SGK3: variants seen among roughly 807,000 people sequenced by gnomAD.
SGK3 encodes serum/glucocorticoid regulated kinase family member 3.
Under a neutral mutation model 68.5 loss-of-function variants are expected in SGK3, and 47 were observed. The observed-to-expected ratio is 0.69, with a 90% confidence interval of 0.54 to 0.87. SGK3 has a LOEUF of 0.87. Among genes scored for constraint, SGK3 ranks in the 40% least tolerant of loss-of-function variants. SGK3 has a pLI of 0.00. For synonymous variants in SGK3, 181 were observed against 189.1 expected, an observed-to-expected ratio of 0.96 and a Z score of 0.35; for missense variants, 479 against 575.5, an observed-to-expected ratio of 0.83 and a Z score of 1.72.
At chr8:66,714,003 T>C (rs527239622) in intron 1 of SGK3, among the ~76,000 whole-genome samples, 3 of 152,334 alleles carry the variant, frequency 2.0e-5, no homozygotes, top group Non-Finnish European at 2.9e-5. Context: ...ATGACTTGTG[T>C]AACATGGTCT....
chr8:66,778,322 C>T (rs1468220978), intron 1 of SGK3, among the ~76,000 whole-genome samples: 1 of 152,182 alleles, frequency 6.6e-6, no homozygotes, highest in Non-Finnish European at 1.5e-5. Context: ...GTTATGGAGT[C>T]TCGCTTTGTT....
intron 1 of SGK3, among the ~76,000 whole-genome samples, chr8:66,791,566 C>T (rs550836499): frequency 6.6e-6 from 1 of 152,146 alleles, no homozygotes; most frequent in Non-Finnish European, 1.5e-5. Context: ...TTCCTGATGC[C>T]ATTTAATGTG....
intron 4 of SGK3, among the ~76,000 whole-genome samples, chr8:66,812,996 G>C (rs984279490): frequency 6.6e-6 from 1 of 152,224 alleles, no homozygotes; most frequent in Non-Finnish European, 1.5e-5. Context: ...GCTCATGCCT[G>C]TAATCCCAGC....
chr8:66,843,628 C>A, intron 14 of SGK3, 81 bp downstream of exon 14: 3 of 1,393,332 alleles, frequency 2.2e-6, no homozygotes, highest in South Asian at 1.2e-5. Flanking sequence ...TTAAGAATCT[C>A]ATGGACACTT....
chr8:66,770,098 C>T (rs531786671), intron 1 of SGK3, among the ~76,000 whole-genome samples: 11 of 152,084 alleles, frequency 7.2e-5, no homozygotes, highest in Admixed American at 1.3e-4. Context: ...GGACTACAGG[C>T]GTGCGCCACC....
chr8:66,799,973 A>T (rs947472517), intron 3 of SGK3, among the ~76,000 whole-genome samples: 1 of 152,042 alleles, frequency 6.6e-6, no homozygotes, highest in African/African-American at 2.4e-5. Flanking sequence ...GTAAATAGGG[A>T]TCTCCCAGTG....
At chr8:66,753,769 A>T (rs1166198053) in intron 1 of SGK3, among the ~76,000 whole-genome samples, 2 of 152,216 alleles carry the variant, frequency 1.3e-5, no homozygotes, top group East Asian at 3.8e-4. Flanking sequence ...CAGTGAGCCA[A>T]GATCGTGCCA....
intron 16 of SGK3, among the ~76,000 whole-genome samples, chr8:66,854,315 A>G (rs993284089): frequency 6.6e-6 from 1 of 152,224 alleles, no homozygotes; most frequent in African/African-American, 2.4e-5. Context: ...TTGGTGGGAG[A>G]GGGCTCACCA....
Position 66,828,663 on chromosome 8 carries a change from A to C in SGK3, c.427A>C (p.Thr143Pro). ...TTCCCCACCTTCACAGCTACACTCT[A>C]CCTCACAGAACATCAACCTGGGACC... ...DERSSQKLHSTSQNINLGPSG... is the reference protein window; with the variant it reads ...DERSSQKLHSPSQNINLGPSG... Residue 143 changes from threonine (T) to proline (P), a missense_variant, in exon 7 of 17, where the codon ACC (threonine) becomes CCC (proline). This residue lies in a region of SGK3 where 298 missense variants were observed against 329.4 expected (regional missense o/e 0.90). Transcript: ENST00000521198. The C allele has an allele frequency of 6.2e-7, 1 of 1,613,974 alleles. No homozygotes were observed. Among genetic ancestry groups the C allele is most frequent in the Non-Finnish European group, 8.5e-7 (1 of 1,179,994 alleles).
chr8:66,745,641 A>T (rs1382892041), intron 1 of SGK3, among the ~76,000 whole-genome samples: 1 of 152,146 alleles, frequency 6.6e-6, no homozygotes, highest in Admixed American at 6.6e-5. Flanking sequence ...TCTGGGTGGG[A>T]CTTTGTCTTA....
intron 1 of SGK3, among the ~76,000 whole-genome samples, chr8:66,769,185 G>A (rs1806421230): frequency 6.6e-6 from 1 of 151,984 alleles, no homozygotes. Flanking sequence ...AAGTATATTA[G>A]GCTGCTTAAA....
intron 1 of SGK3, among the ~76,000 whole-genome samples, chr8:66,744,495 A>G (rs1271654638): frequency 0.021 from 382 of 18,052 alleles, 4 homozygotes; most frequent in African/African-American, 0.054. Context: ...ATATATATAT[A>G]TATATATATA....
At chr8:66,826,282 T>C (rs1422182117) in intron 6 of SGK3, among the ~76,000 whole-genome samples, 1 of 152,104 alleles carries the variant, frequency 6.6e-6, no homozygotes, top group African/African-American at 2.4e-5. Flanking sequence ...TCCTTCATCT[T>C]TATAAGAAAA....
intron 16 of SGK3, among the ~76,000 whole-genome samples, chr8:66,852,448 A>G (rs997680805): frequency 6.6e-6 from 1 of 151,724 alleles, no homozygotes; most frequent in Admixed American, 6.6e-5. Context: ...CGCCCAGCTA[A>G]TTTTTGTATT....
intron 1 of SGK3, chr8:66,737,692 T>A (rs957003078): frequency 6.6e-6 from 1 of 150,836 alleles, no homozygotes; most frequent in Non-Finnish European, 1.5e-5. Flanking sequence ...CTCGGCTCAC[T>A]GCAGACTCCA....
chr8:66,755,258 C>CAA (rs57985306), intron 1 of SGK3, among the ~76,000 whole-genome samples: 10,275 of 86,740 alleles, frequency 0.12, 1,143 homozygotes, highest in African/African-American at 0.31. Context: ...GACTCCATCT[C>CAA]AAAAAAAAAA....
At position 66,813,780 on chromosome 8, in the gene SGK3, C is replaced by T. The variant is rs1209473103; in HGVS notation, c.254-73C>T. 6 of 1,301,328 alleles carry T rather than the reference C, an allele frequency of 4.6e-6. No homozygotes were observed. In the East Asian group the frequency reaches 1.1e-4, roughly 24 times the overall value. 80.6% of individuals were successfully genotyped at this position (1,301,328 alleles called of 1,614,324 possible). On this transcript the variant is annotated intron_variant, in intron 4 of 16. Transcript: ENST00000521198. ...TCAAAATTCACTATCTTGTGCTTGTCTATTATATAACTGTTGATGATAATT... is the reference window on the plus strand; with the variant it reads ...TCAAAATTCACTATCTTGTGCTTGTTTATTATATAACTGTTGATGATAATT...
At chr8:66,734,951 A>AG (rs1805275555) in intron 1 of SGK3, among the ~76,000 whole-genome samples, 1 of 152,018 alleles carries the variant, frequency 6.6e-6, no homozygotes, top group African/African-American at 2.4e-5. Context: ...TCTCAAAAAA[A>AG]AAAAAAAAAG....
chr8:66,714,276 C>T (rs1475509647), intron 1 of SGK3, among the ~76,000 whole-genome samples: 1 of 152,144 alleles, frequency 6.6e-6, no homozygotes, highest in African/African-American at 2.4e-5. Flanking sequence ...CTGCTATTTG[C>T]TCTTGGAAAC....
Sources: gnomAD v4.1 joint callset for allele counts (sites outside exome capture counted in the v4.1 genomes callset) on GRCh38, gnomAD v4.1.1 for gene constraint, gnomAD v4.1.1 regional missense constraint, MANE v1.5 for transcripts, NCBI Gene and HGNC (gene_info 2026-07-23, HGNC 2026-07-21) for gene names.